PPP1R3D: variants seen among roughly 807,000 people sequenced by gnomAD.
The protein encoded by PPP1R3D is PP1 subunit R6.
A neutral mutation model predicts 16.3 loss-of-function variants in PPP1R3D; 27 were observed. The ratio of observed to expected loss-of-function variants is 1.66; its 90% CI spans 1.22 to 2.29. PPP1R3D has a LOEUF of 2.29. Ranked by LOEUF, PPP1R3D falls within the 30% of genes most tolerant of loss-of-function variation. The pLI is 0.00. For missense variants in PPP1R3D, 472 were observed against 438.3 expected (o/e 1.08, Z -0.69); for synonymous variants, 223 against 209.7 (o/e 1.06, Z -0.55).
In PPP1R3D at chr20:59,939,626, G is replaced by C. The variant is rs1465833207; in HGVS notation, c.306C>G (p.Arg102=). ...ACRPGCSQKL[R]VRFADALGLE... is the part of the protein sequence containing the mutation. ...AGCCCAGGGCGTCGGCGAAGCGCAC[G>C]CGGAGCTTCTGGCTGCAGCCCGGCC... Residue 102 remains arginine, a synonymous_variant, in exon 1 of 1, where the codon CGC becomes CGG. Coordinates refer to ENST00000370996, the MANE Select transcript of PPP1R3D (RefSeq NM_006242.4). 4 of 1,585,194 alleles carry C rather than the reference G, an allele frequency of 2.5e-6. No individual in the cohort carries two copies. The African/African-American group carries it at 5.5e-5, about 22-fold the overall frequency.
In PPP1R3D at chr20:59,938,997, G is replaced by C; in HGVS notation, c.*35C>G. ...GGAAATGACAGGAGGCGCAGCTTAG[G>C]TGTGGAGGCTCCAGGTGGCCGGTCC... On this transcript the variant is annotated 3_prime_UTR_variant, in exon 1 of 1. Coordinates refer to ENST00000370996, the MANE Select transcript of PPP1R3D (RefSeq NM_006242.4). The C allele has an allele frequency of 6.7e-7, 1 of 1,485,764 alleles. No individual in the cohort carries two copies. Among genetic ancestry groups the C allele is most frequent in the Non-Finnish European group, 8.9e-7 (1 of 1,121,596 alleles). The allele number at this position is 1,485,764 out of a possible 1,614,324, so 92.0% of individuals were successfully genotyped here. A position where few individuals can be genotyped will look rare whatever the true frequency, so the allele number is the denominator to read the frequency against.
At position 59,940,041 on chromosome 20, in the gene PPP1R3D, T is replaced by C. The variant is rs1003405058; in HGVS notation, c.-110A>G. ...CAGAGAGTCCACCGTATCTGCAACC[T>C]GCGGGGGACCTCTCGGGCCCGGTGC... is the stretch of plus-strand genomic sequence containing the variant. On this transcript the variant is annotated 5_prime_UTR_variant, in exon 1 of 1. Coordinates refer to ENST00000370996, the MANE Select transcript of PPP1R3D (RefSeq NM_006242.4). 3.1e-6 allele frequency: 3 copies of C among 953,196 alleles called. No homozygotes were observed. The highest frequency in any genetic ancestry group is 7.4e-4 in the Middle Eastern group (2 of 2,692). The allele number at this position is 953,196 out of a possible 1,614,324, so 59.0% of individuals were successfully genotyped here.
Position 59,937,434 on chromosome 20 carries a change from T to C in PPP1R3D, c.*1598A>G, listed in dbSNP as rs1385597909. On this transcript the variant is annotated 3_prime_UTR_variant, in exon 1 of 1. Coordinates refer to ENST00000370996, the MANE Select transcript of PPP1R3D (RefSeq NM_006242.4). Reference sequence around the variant, plus strand: ...AATTCAGTGTTCTTATATTAAAAGATACCGAAGAAAGCTATCCTTGTTCTT... The same window carrying C: ...AATTCAGTGTTCTTATATTAAAAGACACCGAAGAAAGCTATCCTTGTTCTT... 1 of 152,590 alleles carries C rather than the reference T, an allele frequency of 6.6e-6. No homozygotes were observed. Among genetic ancestry groups the C allele is most frequent in the Admixed American group, 6.5e-5 (1 of 15,284 alleles). 9.5% of individuals were successfully genotyped at this position (152,590 alleles called of 1,614,324 possible). A position where few individuals can be genotyped will look rare whatever the true frequency, so the allele number is the denominator to read the frequency against.
rs1446723545 is a variant in PPP1R3D, at chr20:59,937,925, A to G, written c.*1107T>C. 6.6e-6 allele frequency: 1 copy of G among 152,296 alleles called. No homozygotes were observed. The highest frequency in any genetic ancestry group is 1.5e-5 in the Non-Finnish European group (1 of 68,036). The allele number at this position is 152,296 out of a possible 1,614,324, so 9.4% of individuals were successfully genotyped here. A position where few individuals can be genotyped will look rare whatever the true frequency, so the allele number is the denominator to read the frequency against. ...GTTGGTGGGTACCTGATAAAACATG[A>G]TGTATGTAAATACAGTTCAAAACAA... On this transcript the variant is annotated 3_prime_UTR_variant, in exon 1 of 1. Coordinates refer to ENST00000370996, the MANE Select transcript of PPP1R3D (RefSeq NM_006242.4).
In PPP1R3D at chr20:59,937,395, A is replaced by G. The variant is rs1454314843; in HGVS notation, c.*1637T>C. 2 of 152,688 alleles carry G rather than the reference A, an allele frequency of 1.3e-5. No homozygotes were observed. Among genetic ancestry groups the G allele is most frequent in the Non-Finnish European group, 2.9e-5 (2 of 68,056 alleles). The allele number at this position is 152,688 out of a possible 1,614,324, so 9.5% of individuals were successfully genotyped here. On this transcript the variant is annotated 3_prime_UTR_variant, in exon 1 of 1. Coordinates refer to ENST00000370996, the MANE Select transcript of PPP1R3D (RefSeq NM_006242.4). ...CCAGAGATTGTGCAATTTAGTCACA[A>G]TATTTCAAGCCAAAATTCAGTGTTC...
In PPP1R3D at chr20:59,939,357, G is replaced by A; in HGVS notation, c.575C>T (p.Thr192Met). Residue 192 changes from threonine to methionine, a missense_variant, in exon 1 of 1, where the codon ACG (threonine) becomes ATG (methionine). Thr to Met is a moderately conservative substitution (Grantham distance 81). Coordinates refer to ENST00000370996, the MANE Select transcript of PPP1R3D (RefSeq NM_006242.4). ...GAAGGCCACGTTGCACACGCGCACC[G>A]TACCGCTGATGCCAAGGTCCGAGCA... ...VTCSDLGISG[T>M]VRVCNVAFEK... 6 of 1,610,730 alleles carry A rather than the reference G, an allele frequency of 3.7e-6. No homozygotes were observed. Among genetic ancestry groups the A allele is most frequent in the South Asian group, 1.1e-5 (1 of 91,020 alleles).
chr20:59,936,923 G>C lies in PPP1R3D; in HGVS notation c.*2109C>G, dbSNP rs1006612140. On this transcript the variant is annotated 3_prime_UTR_variant, in exon 1 of 1. Coordinates refer to ENST00000370996, the MANE Select transcript of PPP1R3D (RefSeq NM_006242.4). ...TGTTTGGGGGGACAACCCAGCAATT[G>C]CACAGCCCACTAGAAAATTTTAACA... is the stretch of plus-strand genomic sequence containing the variant. 6.6e-6 allele frequency: 1 copy of C among 152,544 alleles called. No homozygotes were observed. The highest frequency in any genetic ancestry group is 1.5e-5 in the Non-Finnish European group (1 of 68,028). 9.4% of individuals were successfully genotyped at this position (152,544 alleles called of 1,614,324 possible).
In PPP1R3D at chr20:59,939,880, T is replaced by A. The variant is rs2060889415; in HGVS notation, c.52A>T (p.Lys18Ter). 1 of 1,250,102 alleles carries A rather than the reference T, an allele frequency of 8.0e-7. No homozygotes were observed. The highest frequency in any genetic ancestry group is 1.0e-6 in the Non-Finnish European group (1 of 995,250). 77.4% of individuals were successfully genotyped at this position (1,250,102 alleles called of 1,614,324 possible). A position where few individuals can be genotyped will look rare whatever the true frequency, so the allele number is the denominator to read the frequency against. Residue 18 changes from lysine to a stop codon, truncating the protein, a stop_gained, in exon 1 of 1, where the codon AAG (lysine) becomes TAG (stop). Coordinates refer to ENST00000370996, the MANE Select transcript of PPP1R3D (RefSeq NM_006242.4). LOFTEE classifies it high-confidence loss of function. ...AVLPSALGSRKLGPRSLSCLS... is the reference protein window; with the variant it reads ...AVLPSALGSR ...CAGCTGAGGCTCCGGGGGCCGAGCT[T>A]CCGGGATCCCAGGGCGCTAGGCAGG...
chr20:59,939,983 C>G lies in PPP1R3D; in HGVS notation c.-52G>C. 8.1e-7 allele frequency: 1 copy of G among 1,234,762 alleles called. No individual in the cohort carries two copies. Among genetic ancestry groups the G allele is most frequent in the Non-Finnish European group, 1.0e-6 (1 of 975,960 alleles). The allele number at this position is 1,234,762 out of a possible 1,614,324, so 76.5% of individuals were successfully genotyped here. ...GCAGGGATGAGAGACGACCTCCCGA[C>G]CCCGCGACAGCTCCCTCCGTGCTCA... is the stretch of plus-strand genomic sequence containing the variant. On this transcript the variant is annotated 5_prime_UTR_variant, in exon 1 of 1. Coordinates refer to ENST00000370996, the MANE Select transcript of PPP1R3D (RefSeq NM_006242.4).
Position 59,939,965 on chromosome 20 carries a change from TGA to T in PPP1R3D, c.-36_-35del, listed in dbSNP as rs2060890203. The T allele has an allele frequency of 1.6e-6, 2 of 1,256,934 alleles. No homozygotes were observed. The highest frequency in any genetic ancestry group is 4.0e-5 in the South Asian group (1 of 25,128). 77.9% of individuals were successfully genotyped at this position (1,256,934 alleles called of 1,614,324 possible). A position where few individuals can be genotyped will look rare whatever the true frequency, so the allele number is the denominator to read the frequency against. ...CGGCCGTCGGAAGATGAGGCAGGGA[TGA>T]GAGACGACCTCCCGACCCCGCGACA... On this transcript the variant is annotated 5_prime_UTR_variant, in exon 1 of 1. Transcript: ENST00000370996.
At position 59,936,824 on chromosome 20, in the gene PPP1R3D, C is replaced by G. The variant is rs563440143; in HGVS notation, c.*2208G>C. 1 of 152,332 alleles carries G rather than the reference C, an allele frequency of 6.6e-6. No homozygotes were observed. Among genetic ancestry groups the G allele is most frequent in the African/African-American group, 2.4e-5 (1 of 41,552 alleles). The allele number at this position is 152,332 out of a possible 1,614,324, so 9.4% of individuals were successfully genotyped here. ...AACATACTGAAGCATAATAGAATGGCTCACAACTGTTTTTGCACATATACT... is the reference window on the plus strand; with the variant it reads ...AACATACTGAAGCATAATAGAATGGGTCACAACTGTTTTTGCACATATACT... On this transcript the variant is annotated 3_prime_UTR_variant, in exon 1 of 1. Transcript: ENST00000370996.
chr20:59,939,067 C>T lies in PPP1R3D; in HGVS notation c.865G>A (p.Gly289Arg), dbSNP rs567015173. ...CRNHALHMPRGECEESWIHFI is the reference protein window; with the variant it reads ...CRNHALHMPRRECEESWIHFI ...TGGATCCAGCTCTCTTCGCACTCCC[C>T]GCGAGGCATGTGCAGCGCGTGGTTG... Residue 289 changes from glycine to arginine, a missense_variant, in exon 1 of 1, where the codon GGG (glycine) becomes AGG (arginine). Gly to Arg is a moderately radical substitution (Grantham distance 125). Transcript: ENST00000370996. 26 of 1,566,820 alleles carry T rather than the reference C, an allele frequency of 1.7e-5. No individual in the cohort carries two copies. The East Asian group carries it at 2.5e-4, about 15-fold the overall frequency.
In PPP1R3D at chr20:59,937,170, GC is replaced by G. The variant is rs1343258623; in HGVS notation, c.*1861del. ...ACATAGATTATGAGATTCTCTACAT[GC>G]CTTAAAATAAATCTGGCAGCTCTTA... On this transcript the variant is annotated 3_prime_UTR_variant, in exon 1 of 1. Coordinates refer to ENST00000370996, the MANE Select transcript of PPP1R3D (RefSeq NM_006242.4). 1 of 152,572 alleles carries G rather than the reference GC, an allele frequency of 6.6e-6. No homozygotes were observed. Among genetic ancestry groups the G allele is most frequent in the Non-Finnish European group, 1.5e-5 (1 of 68,018 alleles). 9.5% of individuals were successfully genotyped at this position (152,572 alleles called of 1,614,324 possible). A position where few individuals can be genotyped will look rare whatever the true frequency, so the allele number is the denominator to read the frequency against.
Position 59,939,562 on chromosome 20 carries a change from C to T in PPP1R3D, c.370G>A (p.Asp124Asn), listed in dbSNP as rs749325340. The T allele has an allele frequency of 2.5e-6, 4 of 1,611,330 alleles. No individual in the cohort carries two copies. The highest frequency in any genetic ancestry group is 2.5e-6 in the Non-Finnish European group (3 of 1,179,270). The stretch of plus-strand genomic sequence containing the variant: ...AGCACGTGCAGCGGCACGGACGGGT[C>T]GTCTCCCGCGTTGAACACCTTGACC... ...AQVKVFNAGDDPSVPLHVLSR... is the reference protein window; with the variant it reads ...AQVKVFNAGDNPSVPLHVLSR... The change falls in exon 1 of 1, where the codon GAC (aspartate) becomes AAC (asparagine). Residue 124 changes from aspartate to asparagine, a missense_variant. Asp to Asn is a conservative substitution (Grantham distance 23). Coordinates refer to ENST00000370996, the MANE Select transcript of PPP1R3D (RefSeq NM_006242.4).
Position 59,939,902 on chromosome 20 carries a change from C to A in PPP1R3D, c.30G>T (p.Leu10=). The change falls in exon 1 of 1, where the codon CTG becomes CTT. Residue 10 remains leucine, a synonymous_variant. Coordinates refer to ENST00000370996, the MANE Select transcript of PPP1R3D (RefSeq NM_006242.4). Reference sequence around the variant, plus strand: ...GCTTCCGGGATCCCAGGGCGCTAGGCAGGACCGCGGAGCTCGGGCCTCTGG... The same window carrying A: ...GCTTCCGGGATCCCAGGGCGCTAGGAAGGACCGCGGAGCTCGGGCCTCTGG... The part of the protein sequence containing the change: MSRGPSSAV[L]PSALGSRKLG... 8.0e-7 allele frequency: 1 copy of A among 1,254,048 alleles called. No individual in the cohort carries two copies. Among genetic ancestry groups the A allele is most frequent in the Middle Eastern group, 3.1e-4 (1 of 3,242 alleles). The allele number at this position is 1,254,048 out of a possible 1,614,324, so 77.7% of individuals were successfully genotyped here.
In PPP1R3D at chr20:59,937,609, G is replaced by T. The variant is rs912510902; in HGVS notation, c.*1423C>A. ...GTGACAGGTAGCATAAAATTGATCA[G>T]ACTGGTTTCAGCTGTATCATAAGCT... On this transcript the variant is annotated 3_prime_UTR_variant, in exon 1 of 1. Coordinates refer to ENST00000370996, the MANE Select transcript of PPP1R3D (RefSeq NM_006242.4). The T allele has an allele frequency of 2.0e-5, 3 of 151,736 alleles. No individual in the cohort carries two copies. Among genetic ancestry groups the T allele is most frequent in the Non-Finnish European group, 2.9e-5 (2 of 67,922 alleles). The allele number at this position is 151,736 out of a possible 1,614,324, so 9.4% of individuals were successfully genotyped here. A position where few individuals can be genotyped will look rare whatever the true frequency, so the allele number is the denominator to read the frequency against.
chr20:59,940,215 C>T lies in PPP1R3D; in HGVS notation c.-284G>A. The T allele has an allele frequency of 3.2e-6, 1 of 314,240 alleles. No individual in the cohort carries two copies. The allele number at this position is 314,240 out of a possible 1,614,324, so 19.5% of individuals were successfully genotyped here. On this transcript the variant is annotated 5_prime_UTR_variant, in exon 1 of 1. Coordinates refer to ENST00000370996, the MANE Select transcript of PPP1R3D (RefSeq NM_006242.4). ...GAGCGCAGGGTAGCGCCTCTTTTTT[C>T]TTCTTGCTTCCTTGGAGGTTCTTAC...
In PPP1R3D at chr20:59,939,398, G is replaced by C. The variant is rs980601297; in HGVS notation, c.534C>G (p.Cys178Trp). 1 of 1,610,550 alleles carries C rather than the reference G, an allele frequency of 6.2e-7. No individual in the cohort carries two copies. The highest frequency in any genetic ancestry group is 2.2e-5 in the East Asian group (1 of 44,854). ...GGTCCGAGCAAGTGACACGCTCCAG[G>C]CACACGAGCTGCCGCTGCAGGCGCT... ...FGERLQRQLV[C>W]LERVTCSDLG... is the part of the protein sequence containing the mutation. Residue 178 changes from cysteine (C) to tryptophan (W), a missense_variant, in exon 1 of 1, where the codon TGC becomes TGG. Cys to Trp is a radical substitution (Grantham distance 215). Coordinates refer to ENST00000370996, the MANE Select transcript of PPP1R3D (RefSeq NM_006242.4).
Position 59,940,240 on chromosome 20 carries a change from C to G in PPP1R3D, c.-309G>C, listed in dbSNP as rs939376188. On this transcript the variant is annotated 5_prime_UTR_variant, in exon 1 of 1. Transcript: ENST00000370996. ...CTTCTTGCTTCCTTGGAGGTTCTTA[C>G]AAGAAGGCTGCGTTCCGGGAGCGGC... 6 of 250,590 alleles carry G rather than the reference C, an allele frequency of 2.4e-5. No individual in the cohort carries two copies. Among genetic ancestry groups the G allele is most frequent in the Non-Finnish European group, 4.9e-5 (6 of 123,020 alleles). The allele number at this position is 250,590 out of a possible 1,614,324, so 15.5% of individuals were successfully genotyped here. A position where few individuals can be genotyped will look rare whatever the true frequency, so the allele number is the denominator to read the frequency against.
Sources: gnomAD v4.1 joint callset for allele counts on GRCh38, gnomAD v4.1.1 for gene constraint, MANE v1.5 for transcripts, NCBI Gene and HGNC (gene_info 2026-07-23, HGNC 2026-07-21) for gene names.